Variants in LRRC4C observed in about 807,000 individuals in gnomAD.
LRRC4C encodes the protein leucine-rich repeat-containing protein 4C.
LRRC4C carries 5 observed loss-of-function variants against 33.6 expected under a neutral mutation model. That is an observed-to-expected ratio of 0.15 (90% CI 0.08 to 0.31). LRRC4C has a LOEUF of 0.31. Ranked by LOEUF, LRRC4C falls within the 10% of genes least tolerant of loss-of-function variation. The pLI, the probability that LRRC4C is intolerant of heterozygous loss-of-function variation, is 1.00. For missense variants in LRRC4C, 560 were observed against 796.7 expected (o/e 0.70, Z 3.58); for synonymous variants, 329 against 302.0 (o/e 1.09, Z -0.93).
At chr11:40,834,321 A>C (rs1279066322) in intron 2 of LRRC4C, among the ~76,000 whole-genome samples, 2 of 152,022 alleles carry the variant, frequency 1.3e-5, no homozygotes, top group Admixed American at 1.3e-4. Flanking sequence ...AAATACAAAA[A>C]TTAGGCAGGC....
At chr11:40,555,798 C>G (rs962166806) in intron 3 of LRRC4C, among the ~76,000 whole-genome samples, 23 of 152,136 alleles carry the variant, frequency 1.5e-4, no homozygotes, top group Admixed American at 9.8e-4. Context: ...TACTGTTCTA[C>G]TAAAAATCAA....
intron 5 of LRRC4C, among the ~76,000 whole-genome samples, chr11:40,181,931 A>C (rs1392146173): frequency 6.6e-6 from 1 of 152,122 alleles, no homozygotes; most frequent in Non-Finnish European, 1.5e-5. Context: ...CACATCTCCA[A>C]GTGGTGGACA....
intron 1 of LRRC4C, among the ~76,000 whole-genome samples, chr11:41,350,338 G>A (rs1951936994): frequency 6.6e-6 from 1 of 151,988 alleles, no homozygotes; most frequent in Non-Finnish European, 1.5e-5. Context: ...GTGAAACCCT[G>A]TCTCCACTAA....
chr11:41,221,238 A>G (rs1947292146), intron 1 of LRRC4C, among the ~76,000 whole-genome samples: 1 of 152,034 alleles, frequency 6.6e-6, no homozygotes, highest in African/African-American at 2.4e-5. Context: ...GGCAAAGGAC[A>G]TGAACAGACA....
chr11:40,602,839 C>T (rs937546324), intron 3 of LRRC4C, among the ~76,000 whole-genome samples: 1 of 152,122 alleles, frequency 6.6e-6, no homozygotes, highest in Non-Finnish European at 1.5e-5. Context: ...TCATTAACTT[C>T]ACCACGTATC....
intron 2 of LRRC4C, among the ~76,000 whole-genome samples, chr11:40,788,036 G>T (rs903406124): frequency 2.0e-5 from 3 of 152,110 alleles, no homozygotes; most frequent in Admixed American, 1.3e-4. Flanking sequence ...CACAATTTAG[G>T]CAGGGAGGTA....
Position 41,383,626 on chromosome 11 carries a change from T to A in LRRC4C, c.-496+75805A>T, listed in dbSNP as rs568539681. On this transcript the variant is annotated intron_variant, in intron 1 of 6. Transcript: ENST00000528697. The stretch of plus-strand genomic sequence containing the variant: ...GCATGGAATGATCATTGAATATTAA[T>A]CAAAAAGAAAATATATTTGAAAGAA... Among the ~76,000 whole-genome samples the A allele has an allele frequency of 4.1e-3, 614 of 150,986 alleles. 3 individuals are homozygous for A. The highest frequency in any genetic ancestry group is 7.3e-3 in the Non-Finnish European group (496 of 67,620).
intron 5 of LRRC4C, among the ~76,000 whole-genome samples, chr11:40,220,832 A>G (rs961706658): frequency 1.3e-5 from 2 of 151,438 alleles, no homozygotes; most frequent in Non-Finnish European, 2.9e-5. Flanking sequence ...ATTTTGGTGC[A>G]TTTTAAAATT....
At chr11:40,797,196 T>C (rs1014588469) in intron 2 of LRRC4C, among the ~76,000 whole-genome samples, 9 of 152,028 alleles carry the variant, frequency 5.9e-5, no homozygotes, top group African/African-American at 2.2e-4. Context: ...TGGTGAAAAA[T>C]GACTCCATAG....
At chr11:41,154,100 G>C (rs1944121037) in intron 1 of LRRC4C, among the ~76,000 whole-genome samples, 1 of 152,148 alleles carries the variant, frequency 6.6e-6, no homozygotes, top group Admixed American at 6.6e-5. Context: ...AGAACTATAA[G>C]AGAATAAATT....
At chr11:41,313,645 C>T (rs570487636) in intron 1 of LRRC4C, among the ~76,000 whole-genome samples, 1 of 152,230 alleles carries the variant, frequency 6.6e-6, no homozygotes, top group African/African-American at 2.4e-5. Flanking sequence ...GGTCTATACT[C>T]GGACCTATTA....
intron 2 of LRRC4C, among the ~76,000 whole-genome samples, chr11:40,873,332 T>C (rs556901854): frequency 1.3e-5 from 2 of 152,262 alleles, no homozygotes; most frequent in African/African-American, 2.4e-5. Context: ...CTTGTAACAA[T>C]AGTTTGAGAT....
chr11:41,279,073 T>C (rs895093138), intron 1 of LRRC4C, among the ~76,000 whole-genome samples: 4 of 152,172 alleles, frequency 2.6e-5, no homozygotes, highest in African/African-American at 9.7e-5. Flanking sequence ...GGTTTTCTGT[T>C]CCTGAATTAA....
chr11:40,791,285 A>G (rs1434760161), intron 2 of LRRC4C, among the ~76,000 whole-genome samples: 1 of 152,182 alleles, frequency 6.6e-6, no homozygotes, highest in African/African-American at 2.4e-5. Flanking sequence ...ACATTTTTCC[A>G]TAGTAAATAC....
At chr11:40,336,385 C>G (rs1486544722) in intron 3 of LRRC4C, among the ~76,000 whole-genome samples, 1 of 152,160 alleles carries the variant, frequency 6.6e-6, no homozygotes, top group African/African-American at 2.4e-5. Flanking sequence ...TGATTCTCCT[C>G]TCTTCCCTTG....
chr11:40,448,082 C>T (rs1228886357), intron 3 of LRRC4C, among the ~76,000 whole-genome samples: 3 of 152,032 alleles, frequency 2.0e-5, no homozygotes, highest in Admixed American at 6.6e-5. Context: ...GCTGGGATTA[C>T]AAGCATGAAC....
intron 2 of LRRC4C, among the ~76,000 whole-genome samples, chr11:40,793,338 C>T (rs1950702948): frequency 6.6e-6 from 1 of 152,100 alleles, no homozygotes; most frequent in African/African-American, 2.4e-5. Context: ...TTGTTAATGT[C>T]TGCCAATAAA....
chr11:41,418,022 A>T (rs1468529909), intron 1 of LRRC4C, among the ~76,000 whole-genome samples: 1 of 151,606 alleles, frequency 6.6e-6, no homozygotes, highest in African/African-American at 2.4e-5. Context: ...CCCCACACAC[A>T]CATATGCTGG....
At chr11:41,248,573 A>G (rs1565516207) in intron 1 of LRRC4C, among the ~76,000 whole-genome samples, 1 of 151,924 alleles carries the variant, frequency 6.6e-6, no homozygotes, top group Admixed American at 6.6e-5. Flanking sequence ...GATCTGCCCC[A>G]TTGTCCCTAC....
Sources: gnomAD v4.1 joint callset for allele counts (sites outside exome capture counted in the v4.1 genomes callset) on GRCh38, gnomAD v4.1.1 for gene constraint, MANE v1.5 for transcripts, NCBI Gene and HGNC (gene_info 2026-07-23, HGNC 2026-07-21) for gene names.